ZFAND3: variants seen among roughly 807,000 people sequenced by gnomAD.
ZFAND3 encodes the protein AN1-type zinc finger protein 3.
In ZFAND3, 10 loss-of-function variants were observed where a neutral mutation model predicts 29.6. That is an observed-to-expected ratio of 0.34 (90% CI 0.21 to 0.57). The LOEUF (loss-of-function observed/expected upper bound fraction) is 0.57, where lower values mean the gene tolerates loss of function less well. Ranked by LOEUF, ZFAND3 falls within the 20% of genes least tolerant of loss-of-function variation. The probability of loss-of-function intolerance (pLI) is 0.86; values close to 1 mark genes in which losing one functional copy is unlikely to be tolerated. For synonymous variants in ZFAND3, 128 were observed against 112.6 expected (o/e 1.14, Z -0.87); for missense variants, 230 against 304.5 (o/e 0.76, Z 1.82).
chr6:38,045,237 G>A (rs1214235905), intron 2 of ZFAND3, among the ~76,000 whole-genome samples: 2 of 150,170 alleles, frequency 1.3e-5, no homozygotes, highest in Non-Finnish European at 2.9e-5. Context: ...ACAGGTGCAT[G>A]CCACTATGCC....
intron 3 of ZFAND3, among the ~76,000 whole-genome samples, chr6:38,066,282 G>T (rs566890935): frequency 6.6e-6 from 1 of 152,304 alleles, no homozygotes; most frequent in East Asian, 1.9e-4. Flanking sequence ...TAGCAGTGAA[G>T]ACCCAAGTGA....
intron 4 of ZFAND3, among the ~76,000 whole-genome samples, chr6:38,085,359 T>C (rs1764736306): frequency 6.6e-6 from 1 of 152,134 alleles, no homozygotes; most frequent in Non-Finnish European, 1.5e-5. Flanking sequence ...TCCCATCCAA[T>C]CTATCCATAC....
At chr6:38,046,627 A>G (rs1353114786) in intron 2 of ZFAND3, among the ~76,000 whole-genome samples, 4 of 152,196 alleles carry the variant, frequency 2.6e-5, no homozygotes, top group African/African-American at 9.7e-5. Flanking sequence ...TAATACATTG[A>G]CTTAGTAACC....
chr6:37,852,763 T>C (rs1764305523), intron 1 of ZFAND3, among the ~76,000 whole-genome samples: 1 of 151,662 alleles, frequency 6.6e-6, no homozygotes, highest in Non-Finnish European at 1.5e-5. Flanking sequence ...TTGCCCAGGC[T>C]GCAGTGCAGT....
At chr6:37,876,788 A>T (rs1028357729) in intron 1 of ZFAND3, among the ~76,000 whole-genome samples, 1 of 152,128 alleles carries the variant, frequency 6.6e-6, no homozygotes, top group Non-Finnish European at 1.5e-5. Context: ...TATAACCATG[A>T]CCCTTTTGGC....
intron 4 of ZFAND3, among the ~76,000 whole-genome samples, chr6:38,109,221 C>T (rs1765268078): frequency 2.1e-5 from 3 of 144,458 alleles, no homozygotes; most frequent in Admixed American, 1.4e-4. Context: ...CTTGCTCTGT[C>T]GCCGAGGCTG....
At chr6:37,978,028 G>A (rs1262272492) in intron 2 of ZFAND3, among the ~76,000 whole-genome samples, 25 of 151,586 alleles carry the variant, frequency 1.6e-4, no homozygotes, top group Admixed American at 1.5e-3. Flanking sequence ...CGCCTCCTGA[G>A]TTCAAGTGAT....
chr6:37,944,053 A>C (rs1393801668), intron 2 of ZFAND3, among the ~76,000 whole-genome samples: 1 of 152,166 alleles, frequency 6.6e-6, no homozygotes, highest in Non-Finnish European at 1.5e-5. Flanking sequence ...AGGTGCTGTT[A>C]GTCTTGCAGG....
intron 2 of ZFAND3, among the ~76,000 whole-genome samples, chr6:37,943,830 A>T (rs888790124): frequency 1.3e-5 from 2 of 152,186 alleles, no homozygotes; most frequent in African/African-American, 4.8e-5. Context: ...TTTCAAAGTA[A>T]ACTGAAGTGG....
intron 2 of ZFAND3, among the ~76,000 whole-genome samples, chr6:38,034,078 A>G (rs1260898582): frequency 6.6e-6 from 1 of 152,176 alleles, no homozygotes; most frequent in Non-Finnish European, 1.5e-5. Context: ...TGGTAGTACA[A>G]TGTTGGGCTT....
intron 2 of ZFAND3, among the ~76,000 whole-genome samples, chr6:38,001,034 C>G (rs958558387): frequency 6.6e-6 from 1 of 152,114 alleles, no homozygotes; most frequent in Non-Finnish European, 1.5e-5. Context: ...AGAGTTCGCT[C>G]TAATCACACT....
intron 3 of ZFAND3, 136 bp downstream of exon 3, chr6:38,061,911 T>A (rs1254470862): frequency 9.5e-7 from 1 of 1,047,892 alleles, no homozygotes; most frequent in East Asian, 2.6e-5. Context: ...AGGCCCAAGC[T>A]CAGCAAGTTA....
intron 5 of ZFAND3, among the ~76,000 whole-genome samples, chr6:38,146,520 A>G (rs1481546402): frequency 6.6e-6 from 1 of 152,178 alleles, no homozygotes; most frequent in East Asian, 1.9e-4. Flanking sequence ...GTTCTTCAGC[A>G]TTTTGTACAG....
intron 2 of ZFAND3, among the ~76,000 whole-genome samples, chr6:37,962,874 T>G (rs1177963377): frequency 6.6e-6 from 1 of 152,182 alleles, no homozygotes; most frequent in Admixed American, 6.5e-5. Context: ...GCTGTAACAC[T>G]TACTGTGAAT....
chr6:37,928,424 C>G (rs1025044302), intron 1 of ZFAND3, among the ~76,000 whole-genome samples: 1 of 152,074 alleles, frequency 6.6e-6, no homozygotes, highest in Non-Finnish European at 1.5e-5. Flanking sequence ...TCCAGGAGGT[C>G]TTTGGAAGGA....
intron 2 of ZFAND3, among the ~76,000 whole-genome samples, chr6:37,941,397 T>C (rs1337721927): frequency 6.6e-6 from 1 of 152,246 alleles, no homozygotes; most frequent in Non-Finnish European, 1.5e-5. Context: ...AGTTTGCCTC[T>C]AGATCCCCTC....
chr6:37,848,948 T>C (rs577352172), intron 1 of ZFAND3, among the ~76,000 whole-genome samples: 4 of 152,356 alleles, frequency 2.6e-5, no homozygotes, highest in South Asian at 2.1e-4. Context: ...AACTTTGATC[T>C]AGTTTGACAA....
intron 2 of ZFAND3, among the ~76,000 whole-genome samples, chr6:37,944,347 A>G (rs1761864148): frequency 2.0e-5 from 3 of 152,168 alleles, no homozygotes; most frequent in Admixed American, 1.3e-4. Flanking sequence ...TAAAAAACCC[A>G]TGATAAAGTG....
chr6:37,883,565 C>T (rs1446814066), intron 1 of ZFAND3, among the ~76,000 whole-genome samples: 4 of 130,634 alleles, frequency 3.1e-5, no homozygotes, highest in South Asian at 2.3e-4. Flanking sequence ...TTTTTTGAGA[C>T]GGAGTCTCGC....
Sources: gnomAD v4.1 joint callset for allele counts (sites outside exome capture counted in the v4.1 genomes callset) on GRCh38, gnomAD v4.1.1 for gene constraint, MANE v1.5 for transcripts, NCBI Gene and HGNC (gene_info 2026-07-23, HGNC 2026-07-21) for gene names.